The following NDUFA9 variants were observed in gnomAD, a reference collection of about 807,000 sequenced individuals.
NDUFA9 encodes NADH dehydrogenase [ubiquinone] 1 alpha subcomplex subunit 9, mitochondrial.
In NDUFA9, 23 loss-of-function variants were observed where a neutral mutation model predicts 45.9. The ratio of observed to expected loss-of-function variants is 0.50; its 90% confidence interval spans 0.36 to 0.71. NDUFA9 has a LOEUF of 0.71. Ranked by LOEUF, NDUFA9 falls within the 30% of genes least tolerant of loss-of-function variation. The pLI is 0.00. For synonymous variants in NDUFA9, 176 were observed against 170.5 expected, an observed-to-expected ratio of 1.03 and a Z score of -0.25; for missense variants, 466 against 488.2, an observed-to-expected ratio of 0.95 and a Z score of 0.43.
chr12:4,675,752 T>G (rs1945915904), intron 8 of NDUFA9, among the ~76,000 whole-genome samples: 1 of 152,198 alleles, frequency 6.6e-6, no homozygotes, highest in Non-Finnish European at 1.5e-5. Context: ...CTGGTACCAT[T>G]CCTTCTGAAA....
intron 3 of NDUFA9, among the ~76,000 whole-genome samples, chr12:4,656,281 T>C (rs904278662): frequency 2.6e-5 from 4 of 152,252 alleles, no homozygotes; most frequent in Non-Finnish European, 5.9e-5. Context: ...GTATTAAAGT[T>C]ACAGAATCTT....
intron 6 of NDUFA9, among the ~76,000 whole-genome samples, chr12:4,664,247 G>A (rs1945840499): frequency 6.6e-6 from 1 of 152,232 alleles, no homozygotes; most frequent in Non-Finnish European, 1.5e-5. Context: ...ACCATTTGAT[G>A]AAGAGATTGT....
chr12:4,671,832 T>A (rs1191065017), intron 8 of NDUFA9, among the ~76,000 whole-genome samples: 1 of 152,096 alleles, frequency 6.6e-6, no homozygotes, highest in Non-Finnish European at 1.5e-5. Flanking sequence ...CAACAAATGG[T>A]TTTGGGATAT....
intron 6 of NDUFA9, among the ~76,000 whole-genome samples, chr12:4,663,494 A>G (rs1945835718): frequency 6.6e-6 from 1 of 152,180 alleles, no homozygotes; most frequent in African/African-American, 2.4e-5. Context: ...TGGTGACCTT[A>G]TAAGAAGAGG....
chr12:4,693,386 G>C lies in NDUFA9; in HGVS notation c.*6278G>C, dbSNP rs972413961. The C allele has an allele frequency of 6.6e-6, 1 of 152,152 alleles. No homozygotes were observed. Among genetic ancestry groups the C allele is most frequent in the Non-Finnish European group, 1.5e-5 (1 of 68,038 alleles). 9.4% of individuals were successfully genotyped at this position (152,152 alleles called of 1,614,324 possible). A position where few individuals can be genotyped will look rare whatever the true frequency, so the allele number is the denominator to read the frequency against. ...CCCAGTGTTGTGTAATAATTAAAGC[G>C]TTAAATTTCCTCTCTGCCCCACAGC... On this transcript the variant is annotated 3_prime_UTR_variant, in exon 11 of 11. Coordinates refer to ENST00000266544, the MANE Select transcript of NDUFA9 (RefSeq NM_005002.5).
intron 6 of NDUFA9, among the ~76,000 whole-genome samples, chr12:4,665,630 CT>C (rs1237425713): frequency 6.6e-6 from 1 of 152,132 alleles, no homozygotes; most frequent in Non-Finnish European, 1.5e-5. Context: ...TCTATTTTTA[CT>C]TTTTCGACAA....
intron 7 of NDUFA9, 146 bp downstream of exon 7, chr12:4,668,670 G>A: frequency 2.8e-6 from 2 of 708,928 alleles, no homozygotes; most frequent in Non-Finnish European, 5.0e-6. Flanking sequence ...GTTTACTTAA[G>A]AGGTACATGC....
intron 8 of NDUFA9, among the ~76,000 whole-genome samples, chr12:4,680,892 T>A (rs1945948228): frequency 6.6e-6 from 1 of 152,204 alleles, no homozygotes; most frequent in South Asian, 2.1e-4. Flanking sequence ...CTGATACTTA[T>A]TAATGCTAGG....
Position 4,668,021 on chromosome 12 carries a change from T to C in NDUFA9, c.656-436T>C, listed in dbSNP as rs145011371. On this transcript the variant is annotated intron_variant, in intron 6 of 10. Coordinates refer to ENST00000266544, the MANE Select transcript of NDUFA9 (RefSeq NM_005002.5). ...TCCATCAGGCCCTTTTTCTGGGTTA[T>C]CTGTGCTGTATCACTCATCTGTTGA... Among the ~76,000 whole-genome samples the C allele has an allele frequency of 2.4e-3, 360 of 152,300 alleles. 1 individual carries two copies. The highest frequency in any genetic ancestry group is 4.0e-3 in the Non-Finnish European group (271 of 68,012).
At chr12:4,664,358 A>G (rs111895871) in intron 6 of NDUFA9, among the ~76,000 whole-genome samples, 59 of 152,348 alleles carry the variant, frequency 3.9e-4, no homozygotes, top group African/African-American at 1.3e-3. Flanking sequence ...GAAGGGGCAG[A>G]ATGAAAGAAG....
At chr12:4,682,151 G>A (rs1945956474) in intron 8 of NDUFA9, 54 bp from the exon 9 acceptor site, 1 of 1,337,288 alleles carries the variant, frequency 7.5e-7, no homozygotes, top group South Asian at 1.3e-5. Context: ...TTGTTATAAA[G>A]GAAACTTTGT....
rs71579253 is a variant in NDUFA9 at position 4,654,857 on chromosome 12, C to T, written c.253C>T (p.Arg85Trp). 658 of 1,613,792 alleles carry T rather than the reference C, an allele frequency of 4.1e-4. No homozygotes were observed. The highest frequency in any genetic ancestry group is 5.1e-4 in the Non-Finnish European group (599 of 1,179,832). The change falls in exon 3 of 11, where the codon CGG (arginine) becomes TGG (tryptophan). Residue 85 changes from arginine to tryptophan, a missense_variant. Physicochemically the swap from Arg to Trp is moderately radical, Grantham distance 101. Transcript: ENST00000266544. ...GGGGTCACAGGTAATCATACCCTAT[C>T]GGTGTGATAAATATGACATCATGCA... ...RMGSQVIIPY[R>W]CDKYDIMHLR...
At chr12:4,682,573 C>T (rs1239124350) in intron 9 of NDUFA9, among the ~76,000 whole-genome samples, 4 of 152,188 alleles carry the variant, frequency 2.6e-5, no homozygotes, top group South Asian at 2.1e-4. Context: ...TTAAAACCAT[C>T]GAGTTTAATT....
chr12:4,675,269 GAACA>G (rs1050867975), intron 8 of NDUFA9, among the ~76,000 whole-genome samples: 2 of 152,054 alleles, frequency 1.3e-5, no homozygotes, highest in African/African-American at 4.8e-5. Flanking sequence ...AGAGAAGCAG[GAACA>G]AACAAATTTA....
rs887608940 is a variant in NDUFA9, at chr12:4,692,069, A to G, written c.*4961A>G. On this transcript the variant is annotated 3_prime_UTR_variant, in exon 11 of 11. Transcript: ENST00000266544. ...CTGGCAAGAGGCTGAGGGAAGATGT[A>G]TGTCTCAAAGGGGAACTCAAATAAT... 6.6e-6 allele frequency: 1 copy of G among 152,172 alleles called. No homozygotes were observed. Among genetic ancestry groups the G allele is most frequent in the South Asian group, 2.1e-4 (1 of 4,826 alleles). 9.4% of individuals were successfully genotyped at this position (152,172 alleles called of 1,614,324 possible). A position where few individuals can be genotyped will look rare whatever the true frequency, so the allele number is the denominator to read the frequency against.
At position 4,654,929 on chromosome 12, in the gene NDUFA9, G is replaced by T; in HGVS notation, c.318+7G>T. 16 of 1,605,844 alleles carry T rather than the reference G, an allele frequency of 1.0e-5. No individual in the cohort carries two copies. The highest frequency in any genetic ancestry group is 1.3e-5 in the Non-Finnish European group (15 of 1,173,928). On this transcript the variant is annotated splice_region_variant and intron_variant, in intron 3 of 10. Coordinates refer to ENST00000266544, the MANE Select transcript of NDUFA9 (RefSeq NM_005002.5). ...GGGCCAGCTTCTGTTTCTGGTAAGG[G>T]CCTTTATGACTGAATGAAGTTGACA... is the stretch of plus-strand genomic sequence containing the variant.
In NDUFA9 at chr12:4,649,146, C is replaced by T. The variant is rs774163284; in HGVS notation, c.20C>T (p.Ser7Phe). The T allele has an allele frequency of 6.2e-7, 1 of 1,605,038 alleles. No individual in the cohort carries two copies. Among genetic ancestry groups the T allele is most frequent in the East Asian group, 2.2e-5 (1 of 44,596 alleles). Residue 7 changes from serine to phenylalanine, a missense_variant, in exon 1 of 11, where the codon TCC becomes TTC. Ser to Phe is a radical substitution (Grantham distance 155). Coordinates refer to ENST00000266544, the MANE Select transcript of NDUFA9 (RefSeq NM_005002.5). ...GAAAAGATGGCGGCTGCCGCACAAT[C>T]CCGGGTTGTCCGGGTCCTGTCAATG... MAAAAQ[S>F]RVVRVLSMSR...
intron 5 of NDUFA9, among the ~76,000 whole-genome samples, chr12:4,660,453 T>C (rs867559054): frequency 2.6e-5 from 4 of 152,168 alleles, no homozygotes; most frequent in Middle Eastern, 6.8e-3. Flanking sequence ...ATCCTGGAGG[T>C]CAGAAGAGAG....
chr12:4,662,265 A>G lies in NDUFA9; in HGVS notation c.553-268A>G, dbSNP rs10849115. Among the ~76,000 whole-genome samples the G allele has an allele frequency of 0.86, 131,551 of 152,246 alleles. 58,799 individuals carry two copies. The highest frequency in any genetic ancestry group is 1 in the East Asian group (5,178 of 5,184). On this transcript the variant is annotated intron_variant, in intron 5 of 10. Coordinates refer to ENST00000266544, the MANE Select transcript of NDUFA9 (RefSeq NM_005002.5). Reference sequence around the variant, plus strand: ...GAAAAATGGAGGCTGAAGAAATTCTACTTTGATTTTTCTCCTTCTTCAATG... The same window carrying G: ...GAAAAATGGAGGCTGAAGAAATTCTGCTTTGATTTTTCTCCTTCTTCAATG...
Sources: allele counts gnomAD v4.1 joint callset (sites outside exome capture counted in the v4.1 genomes callset), GRCh38; gene constraint gnomAD v4.1.1; transcripts MANE v1.5; gene names NCBI Gene and HGNC (gene_info 2026-07-23, HGNC 2026-07-21).